NUP93: variants seen among roughly 807,000 people sequenced by gnomAD.
NUP93 encodes nucleoporin 93.
NUP93 carries 55 observed loss-of-function variants against 107.8 expected under a neutral mutation model. The ratio of observed to expected loss-of-function variants is 0.51; its 90% CI spans 0.41 to 0.64. The LOEUF (loss-of-function observed/expected upper bound fraction) is 0.64. Ranked by LOEUF, NUP93 falls within the 30% of genes least tolerant of loss-of-function variation. The pLI is 0.00. For missense variants in NUP93, 937 were observed against 1,044.7 expected, an observed-to-expected ratio of 0.90 and a Z score of 1.42; for synonymous variants, 390 against 397.5, an observed-to-expected ratio of 0.98 and a Z score of 0.22.
intron 3 of NUP93, among the ~76,000 whole-genome samples, chr16:56,766,355 C>T (rs746701659): frequency 2.0e-5 from 3 of 152,162 alleles, no homozygotes; most frequent in East Asian, 1.9e-4. Flanking sequence ...GGAGTTGAGT[C>T]GTCCCCTCCC....
chr16:56,784,204 G>C (rs1442123018), intron 3 of NUP93, among the ~76,000 whole-genome samples: 3 of 152,096 alleles, frequency 2.0e-5, no homozygotes, highest in African/African-American at 4.8e-5. Flanking sequence ...AAAGAGTTCA[G>C]GTTTCTTTTC....
chr16:56,766,928 A>G (rs1383669236), intron 3 of NUP93, among the ~76,000 whole-genome samples: 1 of 152,240 alleles, frequency 6.6e-6, no homozygotes, highest in Admixed American at 6.5e-5. Flanking sequence ...CCCTACTGAC[A>G]AGACCTAGAC....
At chr16:56,749,020 A>T (rs917012937) in intron 2 of NUP93, among the ~76,000 whole-genome samples, 10 of 152,114 alleles carry the variant, frequency 6.6e-5, no homozygotes, top group Non-Finnish European at 1.3e-4. Context: ...CAGCTGGGGA[A>T]AAGTGCTGAC....
At chr16:56,833,737 G>A (rs1963851424) in intron 13 of NUP93, among the ~76,000 whole-genome samples, 1 of 152,116 alleles carries the variant, frequency 6.6e-6, no homozygotes, top group African/African-American at 2.4e-5. Context: ...TAATGACATT[G>A]GAAACCCCAG....
intron 2 of NUP93, 53 bp from the exon 3 acceptor site, chr16:56,758,482 ATCC>A: frequency 7.7e-7 from 1 of 1,301,970 alleles, no homozygotes; most frequent in Non-Finnish European, 1.1e-6. Flanking sequence ...AGATGTCCTA[ATCC>A]TAATCCTAAT....
rs1440571335 is a variant in NUP93 at position 56,849,182 on chromosome 16, AAG to A, written c.*4575_*4576del. The A allele has an allele frequency of 3.3e-5, 5 of 152,320 alleles. No individual in the cohort carries two copies. Among genetic ancestry groups the A allele is most frequent in the African/African-American group, 1.2e-4 (5 of 41,570 alleles). 9.4% of individuals were successfully genotyped at this position (152,320 alleles called of 1,614,324 possible). On this transcript the variant is annotated 3_prime_UTR_variant, in exon 22 of 22. Transcript: ENST00000308159. ...GGCCCTTAATAGGCATTCAGTCTGA[AAG>A]AAGGTGGAGGAGAATAATGTCTCCC... is the stretch of plus-strand genomic sequence containing the variant.
chr16:56,809,129 C>T (rs1290844592), intron 5 of NUP93, among the ~76,000 whole-genome samples: 1 of 152,060 alleles, frequency 6.6e-6, no homozygotes, highest in Non-Finnish European at 1.5e-5. Context: ...AGGCTACATC[C>T]AGGAGCAGCA....
intron 2 of NUP93, among the ~76,000 whole-genome samples, chr16:56,754,215 C>T (rs1471388358): frequency 1.3e-5 from 2 of 151,976 alleles, no homozygotes; most frequent in African/African-American, 4.8e-5. Flanking sequence ...AAGTCTTGCC[C>T]CTATGGTCCA....
intron 2 of NUP93, among the ~76,000 whole-genome samples, chr16:56,756,611 C>T (rs1258339634): frequency 6.6e-6 from 1 of 152,030 alleles, no homozygotes; most frequent in Non-Finnish European, 1.5e-5. Flanking sequence ...CATACATGTG[C>T]ATGTGTCTTT....
chr16:56,810,952 T>C (rs1258471289), intron 5 of NUP93, among the ~76,000 whole-genome samples: 5 of 152,264 alleles, frequency 3.3e-5, no homozygotes, highest in African/African-American at 4.8e-5. Context: ...TTGTATATTA[T>C]TGCATGTACT....
Position 56,834,738 on chromosome 16 carries a change from A to G in NUP93, c.1742A>G (p.Asp581Gly). 1.2e-6 allele frequency: 2 copies of G among 1,612,032 alleles called. No homozygotes were observed. Among genetic ancestry groups the G allele is most frequent in the Non-Finnish European group, 1.7e-6 (2 of 1,178,524 alleles). ...TAAACTTTTTTCCTTCCACAGTTCGATATGATTCTTGGGAAACTAGAGAAT... is the reference window on the plus strand; with the variant it reads ...TAAACTTTTTTCCTTCCACAGTTCGGTATGATTCTTGGGAAACTAGAGAAT... ...SELVIESREFDMILGKLENDG... is the reference protein window; with the variant it reads ...SELVIESREFGMILGKLENDG... Residue 581 changes from aspartate (D) to glycine (G), a missense_variant, in exon 16 of 22, where the codon GAT becomes GGT. Asp to Gly is a moderately conservative substitution (Grantham distance 94, BLOSUM62 -1). Coordinates refer to ENST00000308159, the MANE Select transcript of NUP93 (RefSeq NM_014669.5).
In NUP93 at chr16:56,756,305, C is replaced by T. The variant is rs141950772; in HGVS notation, c.180-2233C>T. ...GCTCTCTCTCTCCTTGCCCCCCCCC[C>T]CCCCGACAGGCTCCTATGTGTGTTG... is the stretch of plus-strand genomic sequence containing the variant. On this transcript the variant is annotated intron_variant, in intron 2 of 21. Coordinates refer to ENST00000308159, the MANE Select transcript of NUP93 (RefSeq NM_014669.5). 3.0e-4 allele frequency among the ~76,000 whole-genome samples: 28 copies of T among 92,144 alleles called. 3 individuals are homozygous for T. The highest frequency in any genetic ancestry group is 4.1e-3 in the Middle Eastern group (1 of 242). The allele number at this position is 92,144 out of a possible 152,430, so 60.5% of individuals were successfully genotyped here. A position where few individuals can be genotyped will look rare whatever the true frequency, so the allele number is the denominator to read the frequency against.
intron 3 of NUP93, chr16:56,781,931 C>T: frequency 1.0e-6 from 1 of 985,262 alleles, no homozygotes. Flanking sequence ...TGCAGTGCAC[C>T]CTTTTTAAAG....
At chr16:56,738,292 A>G (rs1249927198) in intron 1 of NUP93, among the ~76,000 whole-genome samples, 2 of 152,194 alleles carry the variant, frequency 1.3e-5, no homozygotes, top group African/African-American at 4.8e-5. Context: ...TGGACAGCCA[A>G]GAGTTTATCA....
At chr16:56,820,310 T>C (rs1296862285) in intron 6 of NUP93, among the ~76,000 whole-genome samples, 2 of 152,184 alleles carry the variant, frequency 1.3e-5, no homozygotes, top group South Asian at 2.1e-4. Context: ...ATTTTATTGA[T>C]TGGTTGGATG....
intron 5 of NUP93, among the ~76,000 whole-genome samples, chr16:56,807,194 T>G (rs1202005186): frequency 6.6e-6 from 1 of 152,226 alleles, no homozygotes; most frequent in East Asian, 1.9e-4. Flanking sequence ...GTAGCCCTGC[T>G]TCTGCCTCCA....
At position 56,834,413 on chromosome 16, in the gene NUP93, G is replaced by T. The variant is rs1963868488; in HGVS notation, c.1708G>T (p.Val570Leu). 1.2e-6 allele frequency: 2 copies of T among 1,614,222 alleles called. No homozygotes were observed. Among genetic ancestry groups the T allele is most frequent in the Non-Finnish European group, 8.5e-7 (1 of 1,180,032 alleles). Residue 570 changes from valine to leucine, a missense_variant, in exon 15 of 22, where the codon GTG (valine) becomes TTG (leucine). Coordinates refer to ENST00000308159, the MANE Select transcript of NUP93 (RefSeq NM_014669.5). ...SQGENMFLRC[V>L]SELVIESREF... ...AGGAGAAAACATGTTTCTGCGCTGT[G>T]TGAGTGAGCTTGTGATTGAAAGCCG...
chr16:56,840,020 G>A (rs1328136507), intron 20 of NUP93: 1 of 175,936 alleles, frequency 5.7e-6, no homozygotes, highest in African/African-American at 2.4e-5. Flanking sequence ...ATCTGTTTTG[G>A]GATTTTTTTG....
At chr16:56,768,737 G>T (rs1189750247) in intron 3 of NUP93, among the ~76,000 whole-genome samples, 1 of 144,924 alleles carries the variant, frequency 6.9e-6, no homozygotes, top group Middle Eastern at 3.9e-3. Flanking sequence ...TGTGGTGGCG[G>T]GCGCCTGTAG....
Sources: gnomAD v4.1 joint callset for allele counts (sites outside exome capture counted in the v4.1 genomes callset) on GRCh38, gnomAD v4.1.1 for gene constraint, MANE v1.5 for transcripts, NCBI Gene and HGNC (gene_info 2026-07-23, HGNC 2026-07-21) for gene names.